Variants in CDH13 observed in about 807,000 individuals in gnomAD.
The protein encoded by CDH13 is cadherin 13.
CDH13 carries 24 observed loss-of-function variants against 63.8 expected under a neutral mutation model. That is an observed-to-expected ratio of 0.38 (90% CI 0.27 to 0.53). The LOEUF (loss-of-function observed/expected upper bound fraction) is 0.53, where lower values mean the gene tolerates loss of function less well. Ranked by LOEUF, CDH13 falls within the 20% of genes least tolerant of loss-of-function variation. The pLI is 0.85. For missense variants in CDH13, 1,049 were observed against 903.1 expected (o/e 1.16, Z -2.07); for synonymous variants, 503 against 355.3 (o/e 1.42, Z -4.67).
At chr16:83,289,222 T>C (rs900271976) in intron 5 of CDH13, among the ~76,000 whole-genome samples, 1 of 152,238 alleles carries the variant, frequency 6.6e-6, no homozygotes, top group Non-Finnish European at 1.5e-5. Flanking sequence ...AAATGAACAG[T>C]ACATAACCCA....
intron 5 of CDH13, among the ~76,000 whole-genome samples, chr16:83,255,253 T>C (rs536594969): frequency 9.2e-4 from 140 of 152,280 alleles, no homozygotes; most frequent in African/African-American, 3.2e-3. Context: ...GCCATGATGG[T>C]AGGCTTGGCA....
intron 2 of CDH13, chr16:82,925,991 C>G (rs1485392417): frequency 6.6e-6 from 1 of 152,086 alleles, no homozygotes; most frequent in Admixed American, 6.6e-5. Flanking sequence ...CTGATCAACA[C>G]AGGATAACCA....
intron 7 of CDH13, among the ~76,000 whole-genome samples, chr16:83,532,386 C>A (rs752621389): frequency 6.6e-6 from 1 of 152,156 alleles, no homozygotes; most frequent in Non-Finnish European, 1.5e-5. Context: ...GCACTTGGGA[C>A]TATTAGTTTA....
intron 3 of CDH13, among the ~76,000 whole-genome samples, chr16:83,118,158 G>C (rs4128844): frequency 0.38 from 57,858 of 152,046 alleles, 11,957 homozygotes; most frequent in Non-Finnish European, 0.48. Context: ...AGACTGCTGT[G>C]GGGGGAATCC....
At chr16:83,724,175 A>G (rs552539997) in intron 10 of CDH13, among the ~76,000 whole-genome samples, 170 of 141,126 alleles carry the variant, frequency 1.2e-3, no homozygotes, top group African/African-American at 4.4e-3. Context: ...TACATGGGTG[A>G]GTGATAAATG....
chr16:83,431,569 G>T (rs2072110615), intron 6 of CDH13, among the ~76,000 whole-genome samples: 1 of 152,072 alleles, frequency 6.6e-6, no homozygotes, highest in Non-Finnish European at 1.5e-5. Flanking sequence ...CAGTTCTGCA[G>T]GCTGTACAGG....
At chr16:82,864,210 C>G (rs1350597938) in intron 2 of CDH13, among the ~76,000 whole-genome samples, 1 of 152,112 alleles carries the variant, frequency 6.6e-6, no homozygotes, top group Non-Finnish European at 1.5e-5. Context: ...GTCGTTGTTT[C>G]TGAAGAGGCA....
chr16:83,544,330 C>A (rs1162494702), intron 7 of CDH13, among the ~76,000 whole-genome samples: 4 of 151,924 alleles, frequency 2.6e-5, no homozygotes, highest in Non-Finnish European at 4.4e-5. Context: ...CATTTCCATT[C>A]AGATTCCTGC....
At chr16:83,164,628 G>C (rs954572970) in intron 4 of CDH13, among the ~76,000 whole-genome samples, 14 of 151,522 alleles carry the variant, frequency 9.2e-5, no homozygotes, top group Admixed American at 5.3e-4. Context: ...GCTGAGGCAA[G>C]AGAATCGCTT....
Position 82,692,854 on chromosome 16 carries a change from G to A in CDH13, c.45+65717G>A, listed in dbSNP as rs1915773662. Among the ~76,000 whole-genome samples the A allele has an allele frequency of 2.0e-5, 3 of 152,242 alleles. No individual in the cohort carries two copies. In the East Asian group the frequency reaches 5.8e-4, roughly 29 times the overall value. ...GGTAGGCAGCTTCTAAGTGACCCCG[G>A]TGATCCTCACTTCCTGGTCTTCACG... On this transcript the variant is annotated intron_variant, in intron 1 of 13. Transcript: ENST00000567109.
intron 8 of CDH13, among the ~76,000 whole-genome samples, chr16:83,633,691 C>T (rs1403788735): frequency 6.6e-6 from 1 of 152,156 alleles, no homozygotes; most frequent in Non-Finnish European, 1.5e-5. Flanking sequence ...CACTGGCTTT[C>T]CGTAGCACTT....
chr16:83,691,020 C>A lies in CDH13; in HGVS notation c.1538+12559C>A, dbSNP rs556181527. ...AACAGGTGTGAACCACTGGGCCAGG[C>A]CCTGAATGTTTTGAAGGTACTGGTG... On this transcript the variant is annotated intron_variant, in intron 10 of 13. Coordinates refer to ENST00000567109, the MANE Select transcript of CDH13 (RefSeq NM_001257.5). 2.0e-5 allele frequency among the ~76,000 whole-genome samples: 3 copies of A among 151,896 alleles called. No homozygotes were observed. In the South Asian group the frequency reaches 6.3e-4, roughly 32 times the overall value.
intron 8 of CDH13, among the ~76,000 whole-genome samples, chr16:83,669,039 G>A (rs941211385): frequency 6.6e-6 from 1 of 152,168 alleles, no homozygotes; most frequent in African/African-American, 2.4e-5. Context: ...GAATTATCTA[G>A]GCAGGTGAAT....
chr16:82,790,672 C>G (rs1036305496), intron 1 of CDH13, among the ~76,000 whole-genome samples: 2 of 152,098 alleles, frequency 1.3e-5, no homozygotes, highest in African/African-American at 4.8e-5. Context: ...TCACAGTTCA[C>G]CATGGCTGGG....
At chr16:82,813,543 C>T (rs2037553985) in intron 1 of CDH13, among the ~76,000 whole-genome samples, 1 of 152,102 alleles carries the variant, frequency 6.6e-6, no homozygotes, top group South Asian at 2.1e-4. Flanking sequence ...CTATGAGCTA[C>T]CTGGGGTTAA....
chr16:82,651,216 CTT>C (rs900810717), intron 1 of CDH13, among the ~76,000 whole-genome samples: 7 of 152,178 alleles, frequency 4.6e-5, no homozygotes, highest in African/African-American at 1.7e-4. Flanking sequence ...TAAGAAATAA[CTT>C]TTATTGAGCA....
intron 8 of CDH13, among the ~76,000 whole-genome samples, chr16:83,616,664 G>A (rs1909309158): frequency 1.3e-5 from 2 of 152,174 alleles, no homozygotes; most frequent in South Asian, 4.1e-4. Context: ...AATGCAGTGT[G>A]CAGAATGAGA....
rs181422661 is a variant in CDH13 at position 83,309,913 on chromosome 16, C to T, written c.637-34949C>T. On this transcript the variant is annotated intron_variant, in intron 5 of 13. Transcript: ENST00000567109. ...GATTTATATCCCTGGCAGAATAATC[C>T]TGGGTGAAAGTGGCTCTCCCTCAGC... is the stretch of plus-strand genomic sequence containing the variant. 6.6e-5 allele frequency among the ~76,000 whole-genome samples: 10 copies of T among 151,984 alleles called. No individual in the cohort carries two copies. The East Asian group carries it at 1.7e-3, about 26-fold the overall frequency.
chr16:82,849,348 A>G (rs1457332181), intron 1 of CDH13, among the ~76,000 whole-genome samples: 1 of 152,112 alleles, frequency 6.6e-6, no homozygotes, highest in Non-Finnish European at 1.5e-5. Flanking sequence ...CTAAAACTAC[A>G]AAAATTAGCT....
Sources: gnomAD v4.1 joint callset for allele counts (sites outside exome capture counted in the v4.1 genomes callset) on GRCh38, gnomAD v4.1.1 for gene constraint, MANE v1.5 for transcripts, NCBI Gene and HGNC (gene_info 2026-07-23, HGNC 2026-07-21) for gene names.